LRRIQ1: variants seen among roughly 807,000 people sequenced by gnomAD.
LRRIQ1 encodes the protein leucine-rich repeat- and IQ domain-containing protein 1.
In LRRIQ1, 210 loss-of-function variants were observed where a neutral mutation model predicts 211.9. The ratio of observed to expected loss-of-function variants is 0.99; its 90% confidence interval spans 0.89 to 1.11. The LOEUF is 1.11. Among genes scored for constraint, LRRIQ1 ranks in the 50% most tolerant of loss-of-function variants. The pLI is 0.00. For missense variants in LRRIQ1, 2,136 were observed against 1,939.5 expected, an observed-to-expected ratio of 1.10 and a Z score of -1.90; for synonymous variants, 699 against 650.1, an observed-to-expected ratio of 1.08 and a Z score of -1.14.
chr12:85,192,087 C>A (rs537965416), intron 24 of LRRIQ1, among the ~76,000 whole-genome samples: 1 of 151,598 alleles, frequency 6.6e-6, no homozygotes, highest in African/African-American at 2.4e-5. Flanking sequence ...ATTATTCTGT[C>A]ACTCAGGTAA....
chr12:85,071,516 A>C (rs1883080381), intron 10 of LRRIQ1, among the ~76,000 whole-genome samples: 1 of 152,010 alleles, frequency 6.6e-6, no homozygotes, highest in African/African-American at 2.4e-5. Context: ...ATTTGATCAG[A>C]TATATCTTCA....
At chr12:85,036,702 T>A (rs1394885527) in intron 1 of LRRIQ1, among the ~76,000 whole-genome samples, 1 of 151,696 alleles carries the variant, frequency 6.6e-6, no homozygotes, top group South Asian at 2.1e-4. Context: ...CCTTCCCTTC[T>A]TGTCGCCCTC....
chr12:85,084,891 A>C (rs1389092275), intron 11 of LRRIQ1, among the ~76,000 whole-genome samples: 1 of 151,460 alleles, frequency 6.6e-6, no homozygotes, highest in African/African-American at 2.4e-5. Context: ...GCGCCACTGC[A>C]CTCCAGCCTG....
chr12:85,176,676 G>A (rs1011005990), intron 24 of LRRIQ1, among the ~76,000 whole-genome samples: 3 of 150,528 alleles, frequency 2.0e-5, no homozygotes, highest in African/African-American at 7.3e-5. Flanking sequence ...GCACCAGCAT[G>A]GCACATGTAT....
At chr12:85,071,204 G>A (rs1294103501) in intron 10 of LRRIQ1, among the ~76,000 whole-genome samples, 1 of 151,600 alleles carries the variant, frequency 6.6e-6, no homozygotes, top group Non-Finnish European at 1.5e-5. Context: ...TGTATAATAT[G>A]TACATATATA....
At chr12:85,254,737 C>T (rs184288676) in intron 1 of LRRIQ1, among the ~76,000 whole-genome samples, 1 of 152,056 alleles carries the variant, frequency 6.6e-6, no homozygotes, top group African/African-American at 2.4e-5. Flanking sequence ...CTCTAGTATT[C>T]TCAGTCTATT....
chr12:85,109,112 A>T (rs960893350), intron 15 of LRRIQ1, among the ~76,000 whole-genome samples: 1 of 152,198 alleles, frequency 6.6e-6, no homozygotes, highest in Non-Finnish European at 1.5e-5. Context: ...TATAAGATAT[A>T]TTACAGAAGA....
At chr12:85,123,068 A>G (rs1226906784) in intron 16 of LRRIQ1, among the ~76,000 whole-genome samples, 1 of 152,002 alleles carries the variant, frequency 6.6e-6, no homozygotes. Flanking sequence ...TCAACAAGTA[A>G]CCATAAACAC....
intron 8 of LRRIQ1, among the ~76,000 whole-genome samples, chr12:85,061,365 G>T (rs765017513): frequency 6.6e-6 from 1 of 151,458 alleles, no homozygotes; most frequent in Non-Finnish European, 1.5e-5. Context: ...GTCGAGTAGG[G>T]GACTATATTG....
chr12:85,069,549 T>A (rs1187725106), intron 10 of LRRIQ1, among the ~76,000 whole-genome samples: 4 of 152,002 alleles, frequency 2.6e-5, no homozygotes, highest in Admixed American at 2.0e-4. Context: ...TAGTTTACAG[T>A]CCCACCAACA....
Position 85,220,910 on chromosome 12 carries a change from C to A in LRRIQ1, c.4823-8607C>A, listed in dbSNP as rs75662181. Among the ~76,000 whole-genome samples, 687 of 151,570 alleles carry A rather than the reference C, an allele frequency of 4.5e-3. 22 individuals are homozygous for A. The East Asian group carries it at 0.082, about 18-fold the overall frequency. On this transcript the variant is annotated intron_variant, in intron 24 of 26. Transcript: ENST00000393217. ...GCAAACCCCTCCCCCCAGGTTCAAG[C>A]AATTCTTCTGCCTCAGCCTCCCTAT...
In LRRIQ1 at chr12:85,038,196, A is replaced by G; in HGVS notation, c.20A>G (p.Lys7Arg). 6.4e-7 allele frequency: 1 copy of G among 1,568,172 alleles called. No individual in the cohort carries two copies. The highest frequency in any genetic ancestry group is 1.2e-5 in the South Asian group (1 of 84,714). MDDDDA[K>R]LKAEIEAELD... ...AGAATAATGGACGATGATGATGCAA[A>G]GCTCAAAGCAGAAATAGAAGCTGAA... Residue 7 changes from lysine (K) to arginine (R), a missense_variant, in exon 2 of 27, where the codon AAG becomes AGG. By Grantham distance (26) the Lys-to-Arg change is conservative. Coordinates refer to ENST00000393217, the MANE Select transcript of LRRIQ1 (RefSeq NM_001079910.2).
chr12:85,141,527 T>G (rs1889531322), intron 19 of LRRIQ1, among the ~76,000 whole-genome samples: 2 of 150,952 alleles, frequency 1.3e-5, no homozygotes, highest in Non-Finnish European at 3.0e-5. Flanking sequence ...GTTTCTCTCT[T>G]TAACTAATTG....
At position 85,192,368 on chromosome 12, in the gene LRRIQ1, G is replaced by A. The variant is rs558734753; in HGVS notation, c.4822+31654G>A. On this transcript the variant is annotated intron_variant, in intron 24 of 26. Transcript: ENST00000393217. The stretch of plus-strand genomic sequence containing the variant: ...TTTTTTTATGGCTCTGTACTCTTCC[G>A]TTATATATATATAAATATATATAGT... 2.2e-3 allele frequency among the ~76,000 whole-genome samples: 299 copies of A among 134,612 alleles called. 2 individuals are homozygous for A. Among genetic ancestry groups the A allele is most frequent in the African/African-American group, 8.0e-3 (288 of 35,876 alleles). The allele number at this position is 134,612 out of a possible 152,430, so 88.3% of individuals were successfully genotyped here.
rs751115422 is a variant in LRRIQ1, at chr12:85,121,866, A to T, written c.3547A>T (p.Thr1183Ser). The change falls in exon 16 of 27, where the codon ACT (threonine) becomes TCT (serine). Residue 1183 changes from threonine (T) to serine (S), a missense_variant. By Grantham distance (58) the Thr-to-Ser change is moderately conservative. Coordinates refer to ENST00000393217, the MANE Select transcript of LRRIQ1 (RefSeq NM_001079910.2). ...EFNLLIENYI[T>S]GKGDVFTLDT... ...CAACTTGCTAATTGAAAATTATATAACTGGAAAAGGGTAAGATTGTGATCT... is the reference window on the plus strand; with the variant it reads ...CAACTTGCTAATTGAAAATTATATATCTGGAAAAGGGTAAGATTGTGATCT... The T allele has an allele frequency of 6.2e-7, 1 of 1,603,088 alleles. No homozygotes were observed.
rs757532963 is a variant in LRRIQ1, at chr12:85,160,732, A to T, written c.4822+18A>T. The T allele has an allele frequency of 1.1e-5, 14 of 1,315,198 alleles. No homozygotes were observed. The highest frequency in any genetic ancestry group is 1.5e-5 in the African/African-American group (1 of 68,398). The allele number at this position is 1,315,198 out of a possible 1,614,324, so 81.5% of individuals were successfully genotyped here. A position where few individuals can be genotyped will look rare whatever the true frequency, so the allele number is the denominator to read the frequency against. Reference sequence around the variant, plus strand: ...CTTTGAAGGTATGGCTTAATAACAGATACATAGAGAGGTAAAAAGATAAAG... The same window carrying T: ...CTTTGAAGGTATGGCTTAATAACAGTTACATAGAGAGGTAAAAAGATAAAG... On this transcript the variant is annotated intron_variant, in intron 24 of 26. Coordinates refer to ENST00000393217, the MANE Select transcript of LRRIQ1 (RefSeq NM_001079910.2).
chr12:85,222,743 G>A (rs1181386646), intron 24 of LRRIQ1, among the ~76,000 whole-genome samples: 1 of 152,124 alleles, frequency 6.6e-6, no homozygotes, highest in Non-Finnish European at 1.5e-5. Context: ...TGATGGCAAG[G>A]TATTCTAGAT....
At chr12:85,213,259 G>A (rs564774914) in intron 24 of LRRIQ1, among the ~76,000 whole-genome samples, 7 of 151,798 alleles carry the variant, frequency 4.6e-5, no homozygotes, top group African/African-American at 1.7e-4. Context: ...ATAAAGAGCA[G>A]AATTTCAAAA....
Position 85,124,229 on chromosome 12 carries a change from C to A in LRRIQ1, c.3717C>A (p.Asn1239Lys), listed in dbSNP as rs1252810004. 2 of 1,614,100 alleles carry A rather than the reference C, an allele frequency of 1.2e-6. No homozygotes were observed. The highest frequency in any genetic ancestry group is 1.7e-6 in the Non-Finnish European group (2 of 1,180,004). Residue 1239 changes from asparagine to lysine, a missense_variant, in exon 17 of 27, where the codon AAC becomes AAA. Transcript: ENST00000393217. ...EAQKNHLAPT[N>K]SDSTLQNGVF... ...AGAAAAATCATTTGGCCCCTACAAA[C>A]AGTGACAGCACTCTGCAAAATGGAG...
Sources: allele counts gnomAD v4.1 joint callset (sites outside exome capture counted in the v4.1 genomes callset), GRCh38; gene constraint gnomAD v4.1.1; transcripts MANE v1.5; gene names NCBI Gene and HGNC (gene_info 2026-07-23, HGNC 2026-07-21).